The following STX8 variants were observed in gnomAD, a reference collection of about 807,000 sequenced individuals.
STX8 encodes syntaxin 8, also known as syntaxin-8.
A neutral mutation model predicts 37.5 loss-of-function variants in STX8; 23 were observed. The ratio of observed to expected loss-of-function variants is 0.61; its 90% confidence interval spans 0.44 to 0.87. The LOEUF (loss-of-function observed/expected upper bound fraction) is 0.87, where lower values mean the gene tolerates loss of function less well. Among genes scored for constraint, STX8 ranks in the 40% least tolerant of loss-of-function variants. STX8 has a pLI of 0.00. For missense variants in STX8, 313 were observed against 284.7 expected (o/e 1.10, Z -0.71); for synonymous variants, 115 against 99.1 (o/e 1.16, Z -0.95).
At chr17:9,311,602 AAC>A (rs1567779093) in intron 7 of STX8, among the ~76,000 whole-genome samples, 1 of 152,208 alleles carries the variant, frequency 6.6e-6, no homozygotes, top group Non-Finnish European at 1.5e-5. Flanking sequence ...ACGGAATATA[AAC>A]AGAGTCTAGT....
intron 4 of STX8, among the ~76,000 whole-genome samples, chr17:9,522,666 C>A (rs773430849): frequency 1.3e-5 from 2 of 150,366 alleles, no homozygotes; most frequent in African/African-American, 4.9e-5. Flanking sequence ...GAGCCGAGAT[C>A]GCGCCACTGC....
chr17:9,535,501 C>T (rs760894911), intron 4 of STX8, among the ~76,000 whole-genome samples: 7 of 124,690 alleles, frequency 5.6e-5, no homozygotes, highest in African/African-American at 1.8e-4. Flanking sequence ...GGCGCAATCT[C>T]GGCTCACTGC....
intron 4 of STX8, among the ~76,000 whole-genome samples, chr17:9,542,025 C>A (rs936053142): frequency 3.4e-5 from 5 of 148,860 alleles, no homozygotes; most frequent in African/African-American, 1.2e-4. Flanking sequence ...TTTTTCCATT[C>A]TCTCTTGGGT....
chr17:9,297,046 T>C (rs1421770661), intron 7 of STX8, among the ~76,000 whole-genome samples: 1 of 152,200 alleles, frequency 6.6e-6, no homozygotes, highest in Non-Finnish European at 1.5e-5. Context: ...CATCTGTTCA[T>C]ACAGGACAGG....
intron 7 of STX8, among the ~76,000 whole-genome samples, chr17:9,255,402 T>C (rs372159798): frequency 6.6e-5 from 10 of 152,038 alleles, no homozygotes; most frequent in African/African-American, 2.4e-4. Flanking sequence ...TGGTGCACGC[T>C]TGTAGTCCCA....
At chr17:9,493,154 T>C (rs1053936468) in intron 5 of STX8, among the ~76,000 whole-genome samples, 1 of 151,064 alleles carries the variant, frequency 6.6e-6, no homozygotes, top group Non-Finnish European at 1.5e-5. Context: ...TGTCAGCTAC[T>C]TGGGAGGCTG....
chr17:9,568,548 T>C, intron 1 of STX8, 78 bp from the exon 2 acceptor site: 1 of 1,141,628 alleles, frequency 8.8e-7, no homozygotes, highest in Non-Finnish European at 1.3e-6. Context: ...TCGCCCAGGC[T>C]GGAGTGCAGT....
intron 2 of STX8, among the ~76,000 whole-genome samples, chr17:9,559,065 AC>A (rs1192564391): frequency 6.6e-6 from 1 of 152,180 alleles, no homozygotes; most frequent in Non-Finnish European, 1.5e-5. Flanking sequence ...AGAAAAAACA[AC>A]CCAGGAACTA....
intron 7 of STX8, among the ~76,000 whole-genome samples, chr17:9,340,330 C>T (rs1910304051): frequency 6.6e-6 from 1 of 152,216 alleles, no homozygotes; most frequent in African/African-American, 2.4e-5. Flanking sequence ...CAGACTTGTC[C>T]TCTAATGTCG....
chr17:9,369,878 C>A (rs936038180), intron 7 of STX8, among the ~76,000 whole-genome samples: 4 of 120,674 alleles, frequency 3.3e-5, no homozygotes, highest in African/African-American at 1.2e-4. Flanking sequence ...ACCAGACAGA[C>A]CCTGTACCAA....
At chr17:9,389,648 T>C (rs1912141392) in intron 6 of STX8, among the ~76,000 whole-genome samples, 1 of 152,202 alleles carries the variant, frequency 6.6e-6, no homozygotes, top group Admixed American at 6.5e-5. Flanking sequence ...GTTTGCTATA[T>C]ATTTTCAGAT....
intron 7 of STX8, among the ~76,000 whole-genome samples, chr17:9,339,759 T>A (rs1910275784): frequency 6.6e-6 from 1 of 152,210 alleles, no homozygotes; most frequent in African/African-American, 2.4e-5. Context: ...GCCCGGCTTC[T>A]GTCATCACAT....
intron 4 of STX8, among the ~76,000 whole-genome samples, chr17:9,533,566 A>C (rs1362411698): frequency 6.6e-6 from 1 of 152,222 alleles, no homozygotes; most frequent in African/African-American, 2.4e-5. Flanking sequence ...GCTTCTTTAA[A>C]AAGTGAATTG....
intron 7 of STX8, among the ~76,000 whole-genome samples, chr17:9,306,595 CAA>C (rs71135963): frequency 0.15 from 10,201 of 69,758 alleles, 1,404 homozygotes; most frequent in African/African-American, 0.43. Context: ...ACTAAAAATA[CAA>C]AAAAAAAAAA....
At chr17:9,340,982 TA>T (rs1324597418) in intron 7 of STX8, among the ~76,000 whole-genome samples, 1 of 146,698 alleles carries the variant, frequency 6.8e-6, no homozygotes, top group African/African-American at 2.5e-5. Context: ...TTGTAAAATT[TA>T]AATTATAAAT....
At chr17:9,451,096 T>C (rs146260032) in intron 6 of STX8, among the ~76,000 whole-genome samples, 54 of 152,310 alleles carry the variant, frequency 3.5e-4, no homozygotes, top group African/African-American at 1.2e-3. Context: ...TTCTGGCATA[T>C]ATGTTAAAAT....
intron 6 of STX8, among the ~76,000 whole-genome samples, chr17:9,405,901 A>T (rs912575952): frequency 6.6e-6 from 1 of 152,146 alleles, no homozygotes; most frequent in Non-Finnish European, 1.5e-5. Context: ...CAGATCCTTC[A>T]CTTTCCTTTT....
chr17:9,387,377 G>A (rs1912049256), intron 6 of STX8, among the ~76,000 whole-genome samples: 1 of 151,288 alleles, frequency 6.6e-6, no homozygotes, highest in Non-Finnish European at 1.5e-5. Flanking sequence ...CTCACTGCAA[G>A]CTCCGCCTCC....
intron 6 of STX8, among the ~76,000 whole-genome samples, chr17:9,402,425 T>A (rs946150483): frequency 3.9e-5 from 6 of 152,168 alleles, no homozygotes; most frequent in South Asian, 4.1e-4. Context: ...CCAGCCTTTT[T>A]AATATATTTT....
Sources: allele counts gnomAD v4.1 joint callset (sites outside exome capture counted in the v4.1 genomes callset), GRCh38; gene constraint gnomAD v4.1.1; transcripts MANE v1.5; gene names NCBI Gene and HGNC (gene_info 2026-07-23, HGNC 2026-07-21).